Variants in SLC17A8 observed in about 807,000 individuals in gnomAD.
SLC17A8 encodes solute carrier family 17 member 8, also known as vesicular glutamate transporter 3.
In SLC17A8, 31 loss-of-function variants were observed where a neutral mutation model predicts 58.0. The ratio of observed to expected loss-of-function variants is 0.53; its 90% CI spans 0.40 to 0.72. SLC17A8 has a LOEUF of 0.72. Among genes scored for constraint, SLC17A8 ranks in the 30% least tolerant of loss-of-function variants. SLC17A8 has a pLI of 0.00. For missense variants in SLC17A8, 655 were observed against 727.8 expected (o/e 0.90, Z 1.15); for synonymous variants, 228 against 249.0 (o/e 0.92, Z 0.79).
At chr12:100,377,483 TG>T (rs1952602182) in intron 1 of SLC17A8, among the ~76,000 whole-genome samples, 1 of 150,908 alleles carries the variant, frequency 6.6e-6, no homozygotes, top group South Asian at 2.1e-4. Flanking sequence ...GCTGAGTAAG[TG>T]GGCGACTCAA....
At chr12:100,369,848 AT>A (rs35910133) in intron 1 of SLC17A8, among the ~76,000 whole-genome samples, 4,004 of 152,278 alleles carry the variant, frequency 0.026, 58 homozygotes, top group African/African-American at 0.035. Flanking sequence ...TACAAAACAT[AT>A]TTTTCTAATG....
intron 1 of SLC17A8, among the ~76,000 whole-genome samples, chr12:100,367,422 AG>A (rs1465782028): frequency 6.6e-6 from 1 of 152,260 alleles, no homozygotes; most frequent in African/African-American, 2.4e-5. Flanking sequence ...AAAATGAAAT[AG>A]GCTTGTAAAT....
In SLC17A8 at chr12:100,357,333, G is replaced by C; in HGVS notation, c.-59G>C. 1.0e-6 allele frequency: 1 copy of C among 963,522 alleles called. No homozygotes were observed. The highest frequency in any genetic ancestry group is 2.1e-4 in the Middle Eastern group (1 of 4,818). 59.7% of individuals were successfully genotyped at this position (963,522 alleles called of 1,614,324 possible). A position where few individuals can be genotyped will look rare whatever the true frequency, so the allele number is the denominator to read the frequency against. On this transcript the variant is annotated 5_prime_UTR_variant, in exon 1 of 12. Coordinates refer to ENST00000323346, the MANE Select transcript of SLC17A8 (RefSeq NM_139319.3). ...AAGGTGGTTCTCACACTGGAAATGAGGAAGGATGACAGTTTTTGAGACTGA... is the reference window on the plus strand; with the variant it reads ...AAGGTGGTTCTCACACTGGAAATGACGAAGGATGACAGTTTTTGAGACTGA...
intron 10 of SLC17A8, among the ~76,000 whole-genome samples, chr12:100,415,635 G>C (rs991386088): frequency 3.1e-4 from 47 of 152,194 alleles, no homozygotes; most frequent in African/African-American, 1.1e-3. Flanking sequence ...TCACGATGTT[G>C]CCCAAGCTGG....
intron 2 of SLC17A8, among the ~76,000 whole-genome samples, chr12:100,388,788 T>C (rs1952693795): frequency 6.6e-6 from 1 of 152,248 alleles, no homozygotes; most frequent in Non-Finnish European, 1.5e-5. Context: ...ATTTGCATTT[T>C]GATATCAAAA....
chr12:100,413,333 A>G (rs572735723), intron 10 of SLC17A8, among the ~76,000 whole-genome samples: 15 of 152,134 alleles, frequency 9.9e-5, no homozygotes, highest in African/African-American at 3.4e-4. Context: ...ATTTTTGTCT[A>G]CTCCATTGCT....
chr12:100,366,037 A>G (rs999850551), intron 1 of SLC17A8, among the ~76,000 whole-genome samples: 2 of 137,174 alleles, frequency 1.5e-5, no homozygotes, highest in Admixed American at 1.5e-4. Context: ...CCTGTCATCC[A>G]CCGTGATCCC....
intron 10 of SLC17A8, among the ~76,000 whole-genome samples, chr12:100,413,303 A>G (rs554358020): frequency 2.6e-5 from 4 of 152,176 alleles, no homozygotes; most frequent in African/African-American, 9.6e-5. Context: ...AGTTTTTTTA[A>G]GAGTGAAAAC....
intron 1 of SLC17A8, among the ~76,000 whole-genome samples, chr12:100,379,175 G>A (rs1041448776): frequency 2.6e-5 from 4 of 151,422 alleles, no homozygotes; most frequent in African/African-American, 7.3e-5. Context: ...GGTGGCTCAC[G>A]CCTGTAATCC....
chr12:100,399,427 T>G (rs767373523), intron 5 of SLC17A8, among the ~76,000 whole-genome samples: 1 of 152,210 alleles, frequency 6.6e-6, no homozygotes, highest in Non-Finnish European at 1.5e-5. Flanking sequence ...TGTATTAGTC[T>G]GTTTTCACAT....
In SLC17A8 at chr12:100,380,921, A is replaced by G. The variant is rs749102850; in HGVS notation, c.322A>G (p.Thr108Ala). Residue 108 changes from threonine (T) to alanine (A), a missense_variant, in exon 2 of 12, where the codon ACC (threonine) becomes GCC (alanine). Transcript: ENST00000323346. ...VAIVEMVNNS[T>A]VYVDGKPEIQ... Reference sequence around the variant, plus strand: ...CATTGTGGAAATGGTCAACAATAGCACCGTATATGTTGATGGAAAACCGGA... The same window carrying G: ...CATTGTGGAAATGGTCAACAATAGCGCCGTATATGTTGATGGAAAACCGGA... 10 of 1,613,966 alleles carry G rather than the reference A, an allele frequency of 6.2e-6. No individual in the cohort carries two copies. The Admixed American group carries it at 1.2e-4, about 19-fold the overall frequency.
At chr12:100,377,629 T>C (rs961101188) in intron 1 of SLC17A8, among the ~76,000 whole-genome samples, 2 of 140,994 alleles carry the variant, frequency 1.4e-5, no homozygotes, top group Admixed American at 1.5e-4. Flanking sequence ...CTCACTGTCA[T>C]GAAGACTGGA....
intron 9 of SLC17A8, among the ~76,000 whole-genome samples, chr12:100,408,731 G>A (rs1320315462): frequency 6.6e-6 from 1 of 152,046 alleles, no homozygotes; most frequent in African/African-American, 2.4e-5. Context: ...TTCTTTGGGG[G>A]AATTGACTTT....
At chr12:100,361,472 C>G (rs543896812) in intron 1 of SLC17A8, among the ~76,000 whole-genome samples, 4 of 152,350 alleles carry the variant, frequency 2.6e-5, no homozygotes, top group South Asian at 2.1e-4. Context: ...CCCCACTTTC[C>G]TGGCCATTCT....
intron 3 of SLC17A8, among the ~76,000 whole-genome samples, chr12:100,392,082 T>G (rs1046894781): frequency 5.9e-5 from 9 of 152,310 alleles, no homozygotes; most frequent in African/African-American, 2.2e-4. Flanking sequence ...TGTTGTAGAA[T>G]GTATCATGTA....
At chr12:100,394,777 TATAAC>T (rs1952740998) in intron 4 of SLC17A8, among the ~76,000 whole-genome samples, 1 of 147,554 alleles carries the variant, frequency 6.8e-6, no homozygotes, top group Non-Finnish European at 1.5e-5. Flanking sequence ...ATAGATTAAT[TATAAC>T]ATATATACTA....
intron 9 of SLC17A8, among the ~76,000 whole-genome samples, chr12:100,410,046 G>A (rs1221658933): frequency 1.3e-5 from 2 of 152,198 alleles, no homozygotes; most frequent in Non-Finnish European, 2.9e-5. Flanking sequence ...AGAGGAGGAC[G>A]AGTTGGGAAG....
chr12:100,390,880 T>C (rs1952710810), intron 2 of SLC17A8, 121 bp from the exon 3 acceptor site: 3 of 765,652 alleles, frequency 3.9e-6, no homozygotes, highest in Non-Finnish European at 7.1e-6. Flanking sequence ...TCCATAAGTA[T>C]GTGTTAAATA....
intron 1 of SLC17A8, among the ~76,000 whole-genome samples, chr12:100,364,113 T>A (rs1227011649): frequency 2.7e-5 from 4 of 149,846 alleles, no homozygotes; most frequent in Non-Finnish European, 4.4e-5. Context: ...GATGGTGTGG[T>A]ATATGGTGGG....
Sources: allele counts gnomAD v4.1 joint callset (sites outside exome capture counted in the v4.1 genomes callset), GRCh38; gene constraint gnomAD v4.1.1; transcripts MANE v1.5; gene names NCBI Gene and HGNC (gene_info 2026-07-23, HGNC 2026-07-21).